The following CYGB variants were observed in gnomAD, a reference collection of about 807,000 sequenced individuals.
CYGB encodes the protein histoglobin.
A neutral mutation model predicts 20.7 loss-of-function variants in CYGB; 13 were observed. That is an observed-to-expected ratio of 0.63 (90% CI 0.41 to 1.00). The LOEUF (loss-of-function observed/expected upper bound fraction) is 1.00, where lower values mean the gene tolerates loss of function less well. CYGB is among the 50% of genes least tolerant of loss of function. The pLI is 0.00. For synonymous variants in CYGB, 93 were observed against 107.4 expected (o/e 0.87, Z 0.83); for missense variants, 218 against 257.2 (o/e 0.85, Z 1.04).
chr17:76,544,617 C>A (rs959776075), intron 1 of CYGB: 5 of 456,702 alleles, frequency 1.1e-5, no homozygotes, highest in Admixed American at 9.4e-5. Context: ...CCGTGATCGC[C>A]TGTCTCAGCT....
chr17:76,531,541 G>A lies in CYGB; in HGVS notation c.294C>T (p.Asp98=). 1 of 1,614,170 alleles carries A rather than the reference G, an allele frequency of 6.2e-7. No homozygotes were observed. The highest frequency in any genetic ancestry group is 1.1e-5 in the South Asian group (1 of 91,088). Reference sequence around the variant, plus strand: ...CGAGCACAGAGGACACCTTGTCGGGGTCATGCAGGTTCTCCACGACAGTGT... The same window carrying A: ...CGAGCACAGAGGACACCTTGTCGGGATCATGCAGGTTCTCCACGACAGTGT... The part of the protein sequence containing the change: ...ALNTVVENLH[D]PDKVSSVLAL... Residue 98 remains aspartate, a synonymous_variant, in exon 2 of 4, where the codon GAC becomes GAT. Transcript: ENST00000293230. This position sits in a 1 kb window ranked among gnomAD's most constrained non-coding sequence, Gnocchi z 7.4.
chr17:76,547,925 C>T (rs1488683747), intron 1 of CYGB, among the ~76,000 whole-genome samples: 1 of 150,972 alleles, frequency 6.6e-6, no homozygotes, highest in East Asian at 1.9e-4. Context: ...CACACACATA[C>T]ACATATACAA....
rs1050578466 is a variant in CYGB at position 76,531,582 on chromosome 17, C to A, written c.253G>T (p.Val85Phe). ...ACGACAGTGTTGAGGGCCCCCATGA[C>A]TCGGCAGGCGTGCTTCCGCAGCTGG... is the stretch of plus-strand genomic sequence containing the variant. ...SPQLRKHACR[V>F]MGALNTVVEN... Residue 85 changes from valine to phenylalanine, a missense_variant, in exon 2 of 4, where the codon GTC (valine) becomes TTC (phenylalanine). Around this residue, in one of 2 missense-constraint regions of CYGB, gnomAD observed 152 missense variants for 149.9 expected, o/e 1.01. Transcript: ENST00000293230. This position sits in a 1 kb window ranked among gnomAD's most constrained non-coding sequence, Gnocchi z 7.4. 6.2e-7 allele frequency: 1 copy of A among 1,614,080 alleles called. No homozygotes were observed. The highest frequency in any genetic ancestry group is 1.7e-5 in the Admixed American group (1 of 60,028).
chr17:76,529,050 C>T (rs1242726356), intron 3 of CYGB: 2 of 445,106 alleles, frequency 4.5e-6, no homozygotes, highest in Non-Finnish European at 5.8e-6. Flanking sequence ...TTGCGCCCCC[C>T]CCCCACCCCC....
rs925153018 is a variant in CYGB, at chr17:76,546,490, G to C, written c.-53+4372C>G. ...TGTGTGTGCGCGCAGTCCTGGGCAA[G>C]GGCAAACAGTACAGGTGGTGGGCCA... On this transcript the variant is annotated intron_variant, in intron 1 of 3. Coordinates refer to the CYGB transcript ENST00000589145. This position sits in a 1 kb window ranked among gnomAD's most constrained non-coding sequence, Gnocchi z 4.5. 1 of 152,184 alleles carries C rather than the reference G, an allele frequency of 6.6e-6. No individual in the cohort carries two copies. Among genetic ancestry groups the C allele is most frequent in the African/African-American group, 2.4e-5 (1 of 41,322 alleles). The allele number at this position is 152,184 out of a possible 1,614,324, so 9.4% of individuals were successfully genotyped here.
intron 3 of CYGB, chr17:76,529,185 C>T (rs2074803653): frequency 2.0e-6 from 2 of 985,348 alleles, no homozygotes; most frequent in Non-Finnish European, 1.2e-6. Flanking sequence ...TCTGTAACTC[C>T]ATCCTACCCT....
intron 1 of CYGB, chr17:76,543,200 C>T (rs1447064203): frequency 2.4e-6 from 1 of 415,558 alleles, no homozygotes; most frequent in Non-Finnish European, 4.9e-6. Flanking sequence ...TGAGCAGGAC[C>T]TGGCTGGGCC....
In CYGB at chr17:76,533,460, C is replaced by T. The variant is rs564459761; in HGVS notation, c.144-1769G>A. 1.3e-5 allele frequency among the ~76,000 whole-genome samples: 2 copies of T among 152,328 alleles called. No individual in the cohort carries two copies. The highest frequency in any genetic ancestry group is 3.9e-4 in the East Asian group (2 of 5,192). Reference sequence around the variant, plus strand: ...AATGATATGGCCGGGCACGGTGGCTCACGCCTATAATCCTAGCACTTTACG... The same window carrying T: ...AATGATATGGCCGGGCACGGTGGCTTACGCCTATAATCCTAGCACTTTACG... On this transcript the variant is annotated intron_variant, in intron 1 of 3. Transcript: ENST00000293230. The surrounding 1 kb of genome is among the most constrained non-coding windows in gnomAD (Gnocchi z 4.5).
intron 1 of CYGB, chr17:76,544,533 C>T (rs1180482372): frequency 2.2e-6 from 1 of 456,558 alleles, no homozygotes; most frequent in Non-Finnish European, 4.4e-6. Flanking sequence ...AGGCAGGAGG[C>T]AGGGGGAAAG....
chr17:76,537,335 C>G, intron 1 of CYGB, 65 bp downstream of exon 1: 2 of 1,475,434 alleles, frequency 1.4e-6, no homozygotes, highest in Non-Finnish European at 1.8e-6. Flanking sequence ...GGGCCCAGCC[C>G]TCCTCTGCCC....
intron 1 of CYGB, among the ~76,000 whole-genome samples, chr17:76,532,780 G>C (rs531036520): frequency 6.6e-6 from 1 of 151,724 alleles, no homozygotes; most frequent in Non-Finnish European, 1.5e-5. Context: ...CAGGCGATCC[G>C]CCTGCCTCAG....
intron 1 of CYGB, chr17:76,544,310 A>G (rs779714454): frequency 1.5e-5 from 7 of 454,290 alleles, no homozygotes; most frequent in Non-Finnish European, 2.6e-5. Flanking sequence ...TAGAAGATGG[A>G]GTTCTCTAGA....
chr17:76,529,045 C>CG (rs1491409090), intron 3 of CYGB: 1 of 45,680 alleles, frequency 2.2e-5, no homozygotes, highest in African/African-American at 8.7e-4. Context: ...AGTCATTGCG[C>CG]CCCCCCCCCA....
At position 76,537,624 on chromosome 17, in the gene CYGB, C is replaced by T. The variant is rs555271351; in HGVS notation, c.-82G>A. 2.4e-4 allele frequency: 238 copies of T among 981,970 alleles called. No homozygotes were observed. In the African/African-American group the frequency reaches 3.6e-3, roughly 15 times the overall value. 60.8% of individuals were successfully genotyped at this position (981,970 alleles called of 1,614,324 possible). On this transcript the variant is annotated 5_prime_UTR_variant, in exon 1 of 4. Coordinates refer to ENST00000293230, the MANE Select transcript of CYGB (RefSeq NM_134268.5). ...GCGCGGGGCGCGGGGCGCCGGGAGC[C>T]GGGGCCGGCTGCGTGCGCGGCGGGC...
intron 3 of CYGB, chr17:76,529,673 C>A: frequency 1.0e-6 from 1 of 985,404 alleles, no homozygotes; most frequent in Non-Finnish European, 1.2e-6. Flanking sequence ...GCCCCCTCCC[C>A]TCCTCTTCCC....
upstream of CYGB, chr17:76,538,568 G>GT: frequency 2.2e-6 from 1 of 462,466 alleles, no homozygotes; most frequent in East Asian, 7.5e-5. Context: ...GTCCAGAGAG[G>GT]CACCGGATAG....
Position 76,531,948 on chromosome 17 carries a change from T to G in CYGB, c.144-257A>C. ...CGGCTTCATCTCCTAGGCCTCTGTC[T>G]TCCTCGCTTCTTGCTTCCTTCCCAA... On this transcript the variant is annotated intron_variant, in intron 1 of 3. Transcript: ENST00000293230. This position sits in a 1 kb window ranked among gnomAD's most constrained non-coding sequence, Gnocchi z 7.4. 1 of 393,460 alleles carries G rather than the reference T, an allele frequency of 2.5e-6. No individual in the cohort carries two copies. The highest frequency in any genetic ancestry group is 4.7e-6 in the Non-Finnish European group (1 of 214,784). The allele number at this position is 393,460 out of a possible 1,614,324, so 24.4% of individuals were successfully genotyped here.
In CYGB at chr17:76,529,891, T is replaced by C. The variant is rs2074814186; in HGVS notation, c.539+1088A>G. The C allele has an allele frequency of 7.1e-6, 7 of 985,042 alleles. No homozygotes were observed. In the African/African-American group the frequency reaches 8.7e-5, roughly 12 times the overall value. 61.0% of individuals were successfully genotyped at this position (985,042 alleles called of 1,614,324 possible). On this transcript the variant is annotated intron_variant, in intron 3 of 3. Coordinates refer to ENST00000293230, the MANE Select transcript of CYGB (RefSeq NM_134268.5). ...AGCAGTTCCCGAGGACTCCACTCTC[T>C]TGGGGTGGTGCTGACGGGAGAGGGG... is the stretch of plus-strand genomic sequence containing the variant.
At chr17:76,535,125 TG>T (rs1443487279) in intron 1 of CYGB, among the ~76,000 whole-genome samples, 5 of 152,006 alleles carry the variant, frequency 3.3e-5, no homozygotes, top group Non-Finnish European at 7.4e-5. Flanking sequence ...AATGGAAGTG[TG>T]GGGTCTGCCT....
Sources: allele counts gnomAD v4.1 joint callset (sites outside exome capture counted in the v4.1 genomes callset), GRCh38; gene constraint gnomAD v4.1.1; regional missense constraint gnomAD v4.1.1; non-coding constraint Gnocchi (gnomAD v3.1); transcripts MANE v1.5; gene names NCBI Gene and HGNC (gene_info 2026-07-23, HGNC 2026-07-21).